Variants in MICU1 observed in about 807,000 individuals in gnomAD.
MICU1 encodes mitochondrial calcium uptake 1, also known as calcium uptake protein 1, mitochondrial.
In MICU1, 45 loss-of-function variants were observed where a neutral mutation model predicts 56.8. That is an observed-to-expected ratio of 0.79 (90% confidence interval 0.62 to 1.02). MICU1 has a LOEUF of 1.02. Among genes scored for constraint, MICU1 ranks in the 50% least tolerant of loss-of-function variants. The pLI is 0.00. For missense variants in MICU1, 504 were observed against 587.1 expected, an observed-to-expected ratio of 0.86 and a Z score of 1.46; for synonymous variants, 186 against 195.1, an observed-to-expected ratio of 0.95 and a Z score of 0.39.
intron 3 of MICU1, among the ~76,000 whole-genome samples, chr10:72,561,609 C>T (rs1426292732): frequency 1.3e-5 from 2 of 152,152 alleles, no homozygotes; most frequent in Non-Finnish European, 2.9e-5. Context: ...GTCAGGAGTT[C>T]GAGGCCAGCC....
At chr10:72,391,374 G>A (rs1351241576) in intron 10 of MICU1, among the ~76,000 whole-genome samples, 1 of 152,122 alleles carries the variant, frequency 6.6e-6, no homozygotes, top group African/African-American at 2.4e-5. Context: ...GGAGGTTGCA[G>A]TGAGTCGAGA....
chr10:72,524,158 T>C (rs1867902080), intron 5 of MICU1, among the ~76,000 whole-genome samples: 2 of 152,210 alleles, frequency 1.3e-5, no homozygotes, highest in Admixed American at 6.6e-5. Context: ...GGTCTCACTC[T>C]GTCACCCAGG....
At chr10:72,441,537 G>T (rs944401739) in intron 8 of MICU1, among the ~76,000 whole-genome samples, 1 of 124,376 alleles carries the variant, frequency 8.0e-6, no homozygotes. Context: ...ATGTACTCTA[G>T]AACTTAAATT....
At chr10:72,482,781 G>A (rs957385297) in intron 6 of MICU1, among the ~76,000 whole-genome samples, 3 of 150,686 alleles carry the variant, frequency 2.0e-5, no homozygotes, top group South Asian at 2.1e-4. Context: ...AATAGCCCTC[G>A]TCTGGGGGGT....
At chr10:72,552,740 G>A (rs1216413759) in intron 3 of MICU1, among the ~76,000 whole-genome samples, 2 of 152,120 alleles carry the variant, frequency 1.3e-5, no homozygotes, top group Non-Finnish European at 2.9e-5. Flanking sequence ...ATTTTTACTA[G>A]AGATGGTTTC....
At chr10:72,588,790 T>C (rs1013192873) in intron 1 of MICU1, among the ~76,000 whole-genome samples, 10 of 152,102 alleles carry the variant, frequency 6.6e-5, no homozygotes, top group Non-Finnish European at 1.5e-4. Flanking sequence ...GGCAGCACCA[T>C]CTCCACCCAG....
intron 1 of MICU1, among the ~76,000 whole-genome samples, chr10:72,571,688 T>C (rs1840614117): frequency 6.6e-6 from 1 of 152,166 alleles, no homozygotes; most frequent in Non-Finnish European, 1.5e-5. Context: ...AAGGCATTAA[T>C]AACCTAGGTA....
intron 10 of MICU1, among the ~76,000 whole-genome samples, chr10:72,383,466 A>T (rs896184716): frequency 6.6e-6 from 1 of 152,196 alleles, no homozygotes; most frequent in Non-Finnish European, 1.5e-5. Context: ...ATGGTGGTGT[A>T]CTAAATATTG....
intron 1 of MICU1, among the ~76,000 whole-genome samples, chr10:72,602,186 T>C (rs1363199272): frequency 1.3e-5 from 2 of 150,900 alleles, no homozygotes; most frequent in East Asian, 3.9e-4. Context: ...GCACGGTGGC[T>C]CTCTCCCAAA....
chr10:72,554,550 A>T (rs1840112696), intron 3 of MICU1, among the ~76,000 whole-genome samples: 1 of 152,226 alleles, frequency 6.6e-6, no homozygotes, highest in African/African-American at 2.4e-5. Flanking sequence ...CTTGTAGATT[A>T]AGAGGCTTTA....
intron 5 of MICU1, among the ~76,000 whole-genome samples, chr10:72,511,852 A>T (rs1405435115): frequency 6.6e-6 from 1 of 152,178 alleles, no homozygotes; most frequent in Non-Finnish European, 1.5e-5. Flanking sequence ...CCCAGCTCTC[A>T]GAGAGAACCA....
rs559567770 is a variant in MICU1, at chr10:72,368,448, A to C, written c.1271-93T>G. The stretch of plus-strand genomic sequence containing the variant: ...ATTGTCCACACAAAGTGGATTTCAA[A>C]GCCCAGACATTCTCCACAGCCAAAC... On this transcript the variant is annotated intron_variant, in intron 11 of 11. Coordinates refer to ENST00000361114, the MANE Select transcript of MICU1 (RefSeq NM_001195518.2). 15 of 1,385,242 alleles carry C rather than the reference A, an allele frequency of 1.1e-5. No individual in the cohort carries two copies. In the African/African-American group the frequency reaches 2.1e-4, roughly 20 times the overall value. 85.8% of individuals were successfully genotyped at this position (1,385,242 alleles called of 1,614,324 possible).
chr10:72,507,251 G>A (rs1420530212), intron 6 of MICU1, among the ~76,000 whole-genome samples: 1 of 151,812 alleles, frequency 6.6e-6, no homozygotes, highest in African/African-American at 2.4e-5. Flanking sequence ...GACTACACAT[G>A]GAGAGCTATG....
At chr10:72,591,192 A>C (rs1362151172) in intron 1 of MICU1, among the ~76,000 whole-genome samples, 1 of 152,194 alleles carries the variant, frequency 6.6e-6, no homozygotes, top group African/African-American at 2.4e-5. Flanking sequence ...GAGATGAATG[A>C]AACAAAAACA....
chr10:72,429,246 CCT>C (rs1864446129), intron 8 of MICU1, among the ~76,000 whole-genome samples: 1 of 151,524 alleles, frequency 6.6e-6, no homozygotes. Flanking sequence ...ATGGTAAAAC[CCT>C]GTCTCTACTG....
In MICU1 at chr10:72,377,126, C is replaced by CT. The variant is rs71018280; in HGVS notation, c.1181-1255dup. 3.3e-3 allele frequency among the ~76,000 whole-genome samples: 489 copies of CT among 148,412 alleles called. 9 individuals are homozygous for CT. The East Asian group carries it at 0.056, about 17-fold the overall frequency. On this transcript the variant is annotated intron_variant, in intron 10 of 11. Coordinates refer to ENST00000361114, the MANE Select transcript of MICU1 (RefSeq NM_001195518.2). ...TTAACAGTTCAGGATGCGTATCTTT[C>CT]TTTTTTTTTTTGAGACAGAGTCTTA...
chr10:72,596,176 G>C, intron 1 of MICU1, among the ~76,000 whole-genome samples: 1 of 151,956 alleles, frequency 6.6e-6, no homozygotes, highest in African/African-American at 2.4e-5. Context: ...AGTAGAGATG[G>C]GGTTTCACTG....
chr10:72,450,551 C>CT (rs1865263520), intron 8 of MICU1, among the ~76,000 whole-genome samples: 8 of 152,194 alleles, frequency 5.3e-5, no homozygotes, highest in Admixed American at 4.6e-4. Flanking sequence ...GGAACTAACT[C>CT]TAACAACTTG....
intron 1 of MICU1, among the ~76,000 whole-genome samples, chr10:72,575,905 C>G (rs1176279761): frequency 6.6e-6 from 1 of 152,148 alleles, no homozygotes; most frequent in African/African-American, 2.4e-5. Context: ...TTTCACACAT[C>G]TCACTTTCAA....
Sources: allele counts gnomAD v4.1 joint callset (sites outside exome capture counted in the v4.1 genomes callset), GRCh38; gene constraint gnomAD v4.1.1; transcripts MANE v1.5; gene names NCBI Gene and HGNC (gene_info 2026-07-23, HGNC 2026-07-21).